Variants in MSI2 observed in about 807,000 individuals in gnomAD.
MSI2 encodes the protein musashi RNA binding protein 2.
Under a neutral mutation model 45.6 loss-of-function variants are expected in MSI2, and 17 were observed. That is an observed-to-expected ratio of 0.37 (90% CI 0.26 to 0.56). MSI2 has a LOEUF of 0.56. MSI2 is among the 20% of genes least tolerant of loss of function. The pLI, the probability that MSI2 is intolerant of heterozygous loss-of-function variation, is 0.77. For missense variants in MSI2, 293 were observed against 444.2 expected (o/e 0.66, Z 3.06); for synonymous variants, 156 against 158.2 (o/e 0.99, Z 0.11).
intron 5 of MSI2, among the ~76,000 whole-genome samples, chr17:57,351,781 A>G (rs1186168842): frequency 6.6e-6 from 1 of 152,238 alleles, no homozygotes; most frequent in Non-Finnish European, 1.5e-5. Context: ...GTTTGAACCC[A>G]GGAGGCAAGT....
chr17:57,257,177 C>T (rs764203392), intron 2 of MSI2, 39 bp downstream of exon 2: 41 of 1,330,438 alleles, frequency 3.1e-5, no homozygotes, highest in Non-Finnish European at 4.2e-5. Context: ...TCCCCCCCTT[C>T]TTGGCTTCTT....
chr17:57,386,555 G>A (rs967583857), intron 5 of MSI2, among the ~76,000 whole-genome samples: 2 of 152,190 alleles, frequency 1.3e-5, no homozygotes, highest in African/African-American at 4.8e-5. Flanking sequence ...ACAGATGCAA[G>A]TCCTTAACTT....
chr17:57,401,332 T>A (rs1486227247), intron 5 of MSI2, 47 bp from the exon 6 acceptor site: 1 of 1,505,886 alleles, frequency 6.6e-7, no homozygotes, highest in Admixed American at 1.7e-5. Context: ...GAGCCCTGCT[T>A]TAGATAACCT....
intron 11 of MSI2, among the ~76,000 whole-genome samples, chr17:57,673,969 GA>G (rs1314405545): frequency 2.6e-5 from 4 of 151,060 alleles, no homozygotes; most frequent in Non-Finnish European, 4.4e-5. Context: ...TAAACAAAAG[GA>G]AAAAAAGTTT....
At chr17:57,313,238 C>A (rs1466185822) in intron 5 of MSI2, among the ~76,000 whole-genome samples, 1 of 152,150 alleles carries the variant, frequency 6.6e-6, no homozygotes, top group Admixed American at 6.5e-5. Flanking sequence ...AAATGTCTGT[C>A]CCTGTAGTAT....
intron 6 of MSI2, among the ~76,000 whole-genome samples, chr17:57,450,816 C>T (rs2085005337): frequency 6.6e-6 from 1 of 151,628 alleles, no homozygotes; most frequent in Non-Finnish European, 1.5e-5. Context: ...CATTTATACA[C>T]TCTTCTGTAT....
At position 57,596,543 on chromosome 17, in the gene MSI2, G is replaced by A. The variant is rs1905261706; in HGVS notation, c.455-325G>A. 6.6e-6 allele frequency among the ~76,000 whole-genome samples: 1 copy of A among 152,248 alleles called. No homozygotes were observed. ...CCACGAGGCTCTGGTTAGCCCACCC[G>A]CCTGCTGCCGTGCACAGAGCCGCGG... is the stretch of plus-strand genomic sequence containing the variant. On this transcript the variant is annotated intron_variant, in intron 7 of 13. Transcript: ENST00000284073. This position sits in a 1 kb window ranked among gnomAD's most constrained non-coding sequence, Gnocchi z 4.6.
At position 57,492,329 on chromosome 17, in the gene MSI2, G is replaced by A. The variant is rs545771283; in HGVS notation, c.406-37347G>A. Among the ~76,000 whole-genome samples the A allele has an allele frequency of 6.6e-5, 10 of 152,326 alleles. No homozygotes were observed. The South Asian group carries it at 2.1e-3, about 32-fold the overall frequency. ...TTTCTTCTCCACAATTATTTTCACT[G>A]TGGCATTACTATATTGGTATGTCCT... is the stretch of plus-strand genomic sequence containing the variant. On this transcript the variant is annotated intron_variant, in intron 6 of 13. Transcript: ENST00000284073.
chr17:57,570,267 G>C (rs2087842996), intron 7 of MSI2, among the ~76,000 whole-genome samples: 1 of 152,138 alleles, frequency 6.6e-6, no homozygotes, highest in African/African-American at 2.4e-5. Context: ...AGGCTCTGAG[G>C]GTGGCGCCTG....
At chr17:57,565,291 A>G (rs976238073) in intron 7 of MSI2, among the ~76,000 whole-genome samples, 2 of 152,208 alleles carry the variant, frequency 1.3e-5, no homozygotes, top group African/African-American at 4.8e-5. Context: ...TAAGCACAGC[A>G]TCTGAATTCG....
At chr17:57,498,781 A>G (rs1386025617) in intron 6 of MSI2, among the ~76,000 whole-genome samples, 2 of 151,744 alleles carry the variant, frequency 1.3e-5, no homozygotes, top group Non-Finnish European at 2.9e-5. Context: ...CTTTTTTTAA[A>G]TTATACTTTA....
chr17:57,647,317 C>T (rs1248503239), intron 10 of MSI2, among the ~76,000 whole-genome samples: 1 of 146,320 alleles, frequency 6.8e-6, no homozygotes, highest in Non-Finnish European at 1.5e-5. Context: ...GGAGTGGTGG[C>T]ACACACCTGT....
At chr17:57,414,669 G>A (rs932472736) in intron 6 of MSI2, among the ~76,000 whole-genome samples, 3 of 152,118 alleles carry the variant, frequency 2.0e-5, no homozygotes, top group African/African-American at 7.2e-5. Context: ...CAAAATGCTG[G>A]GATTACAGGC....
At chr17:57,476,367 G>T (rs1417600618) in intron 6 of MSI2, among the ~76,000 whole-genome samples, 1 of 152,162 alleles carries the variant, frequency 6.6e-6, no homozygotes, top group East Asian at 1.9e-4. Flanking sequence ...GAGCAGAATG[G>T]GTCCCTCACA....
chr17:57,430,026 C>T (rs1159969786), intron 6 of MSI2, among the ~76,000 whole-genome samples: 1 of 152,176 alleles, frequency 6.6e-6, no homozygotes, highest in Non-Finnish European at 1.5e-5. Flanking sequence ...CATGGAAGTC[C>T]TCAGCAGAGG....
At chr17:57,436,735 A>G (rs1457211469) in intron 6 of MSI2, among the ~76,000 whole-genome samples, 5 of 152,234 alleles carry the variant, frequency 3.3e-5, no homozygotes, top group Non-Finnish European at 7.3e-5. Flanking sequence ...CACTCCCTTG[A>G]ATATGACAGC....
chr17:57,315,977 A>T (rs561423251), intron 5 of MSI2, among the ~76,000 whole-genome samples: 2 of 152,228 alleles, frequency 1.3e-5, no homozygotes, highest in East Asian at 3.9e-4. Flanking sequence ...GACAGTAAAC[A>T]GGAGAGGGCT....
chr17:57,530,632 GGAGGGA>G (rs2086802856), intron 7 of MSI2, among the ~76,000 whole-genome samples: 1 of 152,178 alleles, frequency 6.6e-6, no homozygotes, highest in African/African-American at 2.4e-5. Flanking sequence ...TGCCCTCAAG[GGAGGGA>G]GCCTGTGAGT....
chr17:57,384,826 TAC>T (rs1333287641), intron 5 of MSI2, among the ~76,000 whole-genome samples: 1 of 152,162 alleles, frequency 6.6e-6, no homozygotes, highest in Non-Finnish European at 1.5e-5. Flanking sequence ...CCAGAGCAGA[TAC>T]ACAGATTGTC....
Sources: gnomAD v4.1 joint callset for allele counts (sites outside exome capture counted in the v4.1 genomes callset) on GRCh38, gnomAD v4.1.1 for gene constraint, Gnocchi (gnomAD v3.1) non-coding constraint, MANE v1.5 for transcripts, NCBI Gene and HGNC (gene_info 2026-07-23, HGNC 2026-07-21) for gene names.